The following APBB2 variants were observed in gnomAD, a reference collection of about 807,000 sequenced individuals.
APBB2 encodes the protein Fe65-like 1.
APBB2 carries 38 observed loss-of-function variants against 82.5 expected under a neutral mutation model. The ratio of observed to expected loss-of-function variants is 0.46; its 90% CI spans 0.36 to 0.60. The LOEUF is 0.60. Ranked by LOEUF, APBB2 falls within the 20% of genes least tolerant of loss-of-function variation. APBB2 has a pLI of 0.00. For synonymous variants in APBB2, 341 were observed against 368.2 expected (o/e 0.93, Z 0.85); for missense variants, 772 against 972.3 (o/e 0.79, Z 2.74).
intron 1 of APBB2, among the ~76,000 whole-genome samples, chr4:41,152,093 T>C (rs1176881883): frequency 2.0e-5 from 3 of 152,132 alleles, no homozygotes; most frequent in Admixed American, 6.5e-5. Context: ...TTCATTTTTC[T>C]AGTTCACCTA....
intron 10 of APBB2, among the ~76,000 whole-genome samples, chr4:40,902,335 C>G (rs1278465750): frequency 6.6e-6 from 1 of 152,166 alleles, no homozygotes; most frequent in Non-Finnish European, 1.5e-5. Context: ...TCACAATCCT[C>G]TTTTGGTTAG....
intron 5 of APBB2, among the ~76,000 whole-genome samples, chr4:41,020,517 A>C (rs981284242): frequency 6.6e-6 from 1 of 152,250 alleles, no homozygotes; most frequent in African/African-American, 2.4e-5. Flanking sequence ...TACTTACAGA[A>C]TCAGGAAGGA....
At chr4:40,866,436 T>C (rs1349293023) in intron 12 of APBB2, among the ~76,000 whole-genome samples, 4 of 152,214 alleles carry the variant, frequency 2.6e-5, no homozygotes, top group African/African-American at 9.6e-5. Flanking sequence ...GCAAGAAGCA[T>C]AAAAAGAAAC....
At chr4:40,848,857 T>G (rs1408602165) in intron 12 of APBB2, 5 of 985,316 alleles carry the variant, frequency 5.1e-6, no homozygotes, top group East Asian at 1.1e-4. Context: ...TGATCATCAC[T>G]GCCTCCAAAA....
At chr4:41,107,688 G>A (rs1053694777) in intron 2 of APBB2, among the ~76,000 whole-genome samples, 1 of 152,124 alleles carries the variant, frequency 6.6e-6, no homozygotes, top group Non-Finnish European at 1.5e-5. Context: ...TGGAACAGTA[G>A]GTATCGCCAC....
At chr4:40,922,461 A>C (rs566356475) in intron 10 of APBB2, among the ~76,000 whole-genome samples, 2 of 152,352 alleles carry the variant, frequency 1.3e-5, no homozygotes, top group South Asian at 4.1e-4. Flanking sequence ...TGATTTTCTT[A>C]TAAGCACGAG....
rs533970149 is a variant in APBB2, at chr4:41,156,412, G to A, written c.-416-13270C>T. ...AATTATCAGAGTTCCCGAGTACACC[G>A]GGGGTCGAGGGAAGAATCTCCATGT... is the stretch of plus-strand genomic sequence containing the variant. On this transcript the variant is annotated intron_variant, in intron 1 of 17. Coordinates refer to ENST00000508593, the MANE Select transcript of APBB2 (RefSeq NM_004307.2). Among the ~76,000 whole-genome samples the A allele has an allele frequency of 3.7e-4, 56 of 152,272 alleles. No homozygotes were observed. In the East Asian group the frequency reaches 9.4e-3, roughly 26 times the overall value.
chr4:40,969,447 CAT>C (rs1198875424), intron 6 of APBB2, among the ~76,000 whole-genome samples: 7 of 152,272 alleles, frequency 4.6e-5, no homozygotes, highest in Admixed American at 3.3e-4. Flanking sequence ...CAGGGAAATC[CAT>C]ATGTTTTCAG....
rs146327846 is a variant in APBB2 at position 41,033,772 on chromosome 4, T to C, written c.-50-468A>G. On this transcript the variant is annotated intron_variant, in intron 4 of 17. Transcript: ENST00000508593. ...ACCACCACAGATGACATAAAAGGGCTAATTTCCTTTATATAGAAAGAGTTC... is the reference window on the plus strand; with the variant it reads ...ACCACCACAGATGACATAAAAGGGCCAATTTCCTTTATATAGAAAGAGTTC... Among the ~76,000 whole-genome samples, 18 of 152,262 alleles carry C rather than the reference T, an allele frequency of 1.2e-4. No individual in the cohort carries two copies. In the East Asian group the frequency reaches 3.1e-3, roughly 26 times the overall value.
intron 6 of APBB2, among the ~76,000 whole-genome samples, chr4:40,975,319 A>G (rs544947880): frequency 6.6e-5 from 10 of 152,340 alleles, no homozygotes; most frequent in African/African-American, 2.2e-4. Flanking sequence ...TATGGACAAC[A>G]GGGAATCTAT....
At chr4:40,958,627 A>T (rs779074271) in intron 6 of APBB2, among the ~76,000 whole-genome samples, 1 of 152,014 alleles carries the variant, frequency 6.6e-6, no homozygotes, top group African/African-American at 2.4e-5. Context: ...CTTTTTTGAG[A>T]CAGGGCCTTG....
At chr4:41,118,848 A>T (rs1295583236) in intron 2 of APBB2, among the ~76,000 whole-genome samples, 1 of 152,202 alleles carries the variant, frequency 6.6e-6, no homozygotes, top group Non-Finnish European at 1.5e-5. Flanking sequence ...CTTTAAAAAA[A>T]ATTAAGACTG....
intron 6 of APBB2, among the ~76,000 whole-genome samples, chr4:41,006,714 C>A (rs532508186): frequency 1.3e-5 from 2 of 152,316 alleles, no homozygotes; most frequent in Admixed American, 6.5e-5. Context: ...GATCCAACCT[C>A]CTCGGCCTCC....
intron 10 of APBB2, among the ~76,000 whole-genome samples, chr4:40,930,153 T>C (rs546276424): frequency 2.1e-3 from 323 of 152,286 alleles, no homozygotes; most frequent in African/African-American, 7.4e-3. Flanking sequence ...ATGATATCAA[T>C]ATTAATGTCT....
intron 3 of APBB2, among the ~76,000 whole-genome samples, chr4:41,089,677 G>T (rs570957600): frequency 9.1e-4 from 139 of 152,252 alleles, no homozygotes; most frequent in Middle Eastern, 6.8e-3. Flanking sequence ...TTCACAGATA[G>T]CCAGTGGAAG....
intron 12 of APBB2, among the ~76,000 whole-genome samples, chr4:40,881,836 G>C (rs1768709430): frequency 1.3e-5 from 2 of 152,016 alleles, no homozygotes; most frequent in Admixed American, 6.6e-5. Flanking sequence ...GCCCGGCCGA[G>C]ACCCATTATT....
chr4:41,154,357 A>G (rs898197309), intron 1 of APBB2, among the ~76,000 whole-genome samples: 5 of 152,210 alleles, frequency 3.3e-5, no homozygotes, highest in Non-Finnish European at 7.4e-5. Flanking sequence ...AGTACAACCA[A>G]TCAAATGTCT....
chr4:41,162,447 G>A (rs1027245527), intron 1 of APBB2, among the ~76,000 whole-genome samples: 1 of 151,932 alleles, frequency 6.6e-6, no homozygotes, highest in African/African-American at 2.4e-5. Context: ...TCCCCACAAC[G>A]CTCTTCATTG....
intron 2 of APBB2, among the ~76,000 whole-genome samples, chr4:41,110,912 A>G (rs939640773): frequency 6.6e-6 from 1 of 152,184 alleles, no homozygotes; most frequent in Admixed American, 6.5e-5. Flanking sequence ...CTATTATTAC[A>G]TTGTAATATA....
Sources: allele counts gnomAD v4.1 joint callset (sites outside exome capture counted in the v4.1 genomes callset), GRCh38; gene constraint gnomAD v4.1.1; transcripts MANE v1.5; gene names NCBI Gene and HGNC (gene_info 2026-07-23, HGNC 2026-07-21).